RBM25: variants seen among roughly 807,000 people sequenced by gnomAD.
RBM25 encodes the protein RNA binding motif protein 25.
In RBM25, 19 loss-of-function variants were observed where a neutral mutation model predicts 120.7. The observed-to-expected ratio is 0.16, with a 90% CI of 0.11 to 0.23. The LOEUF (loss-of-function observed/expected upper bound fraction) is 0.23, where lower values mean the gene tolerates loss of function less well. RBM25 is among the 10% of genes least tolerant of loss of function. The pLI is 1.00. For synonymous variants in RBM25, 390 were observed against 326.7 expected, an observed-to-expected ratio of 1.19 and a Z score of -2.09; for missense variants, 605 against 1,041.5, an observed-to-expected ratio of 0.58 and a Z score of 5.77.
intron 13 of RBM25, 76 bp from the exon 14 acceptor site, chr14:73,109,266 G>A: frequency 6.8e-7 from 1 of 1,463,954 alleles, no homozygotes; most frequent in Non-Finnish European, 9.3e-7. Context: ...TTGAAAAGAG[G>A]TGCTGTTGGA....
At chr14:73,077,820 C>G (rs1895459083) in intron 4 of RBM25, among the ~76,000 whole-genome samples, 1 of 152,144 alleles carries the variant, frequency 6.6e-6, no homozygotes, top group African/African-American at 2.4e-5. Context: ...TCATTTATCT[C>G]CTAAGAGCAA....
At chr14:73,112,885 C>T (rs1028568461) in intron 17 of RBM25, among the ~76,000 whole-genome samples, 2 of 151,982 alleles carry the variant, frequency 1.3e-5, no homozygotes, top group African/African-American at 2.4e-5. Flanking sequence ...CTCACTGCAG[C>T]TTTGAACGCC....
chr14:73,121,608 G>T lies in RBM25; in HGVS notation c.*1803G>T, dbSNP rs1896542473. ...CAGTCTTTTCTTAGACACACCCCCAGCCTAAGACCTTGTTCGAGGAGTTTA... is the reference window on the plus strand; with the variant it reads ...CAGTCTTTTCTTAGACACACCCCCATCCTAAGACCTTGTTCGAGGAGTTTA... On this transcript the variant is annotated 3_prime_UTR_variant, in exon 19 of 19. Coordinates refer to ENST00000261973, the MANE Select transcript of RBM25 (RefSeq NM_021239.3). The T allele has an allele frequency of 6.6e-6, 1 of 152,138 alleles. No individual in the cohort carries two copies. The highest frequency in any genetic ancestry group is 2.4e-5 in the African/African-American group (1 of 41,428). The allele number at this position is 152,138 out of a possible 1,614,324, so 9.4% of individuals were successfully genotyped here.
chr14:73,066,236 C>T (rs758683358), intron 1 of RBM25, among the ~76,000 whole-genome samples: 3 of 152,126 alleles, frequency 2.0e-5, no homozygotes, highest in Non-Finnish European at 2.9e-5. Flanking sequence ...TTTTAAAACT[C>T]AACACATTTA....
At chr14:73,086,429 T>A (rs1895687002) in intron 5 of RBM25, among the ~76,000 whole-genome samples, 1 of 149,336 alleles carries the variant, frequency 6.7e-6, no homozygotes, top group South Asian at 2.1e-4. Flanking sequence ...AGCGCGAGAC[T>A]CCGTCTAAAA....
At chr14:73,068,770 T>G (rs1378830496) in intron 1 of RBM25, among the ~76,000 whole-genome samples, 2 of 152,148 alleles carry the variant, frequency 1.3e-5, no homozygotes, top group African/African-American at 4.8e-5. Flanking sequence ...GAGATGGGGT[T>G]TCACCATGCT....
intron 17 of RBM25, 78 bp downstream of exon 17, chr14:73,112,328 T>C: frequency 7.6e-7 from 1 of 1,314,990 alleles, no homozygotes; most frequent in Non-Finnish European, 1.0e-6. Context: ...AGAGCAGAAA[T>C]TTTACAGAGT....
intron 14 of RBM25, 142 bp from the exon 15 acceptor site, chr14:73,110,689 A>G (rs951402728): frequency 1.9e-6 from 2 of 1,029,540 alleles, no homozygotes; most frequent in Non-Finnish European, 2.8e-6. Flanking sequence ...GCGGCCTCCC[A>G]AAGTGCTGGG....
At chr14:73,080,577 G>T (rs1895537121) in intron 4 of RBM25, among the ~76,000 whole-genome samples, 1 of 151,900 alleles carries the variant, frequency 6.6e-6, no homozygotes, top group Non-Finnish European at 1.5e-5. Context: ...ACATTGTGTT[G>T]TGAAATACCT....
At chr14:73,091,607 C>T (rs1033315605) in intron 6 of RBM25, among the ~76,000 whole-genome samples, 2 of 152,094 alleles carry the variant, frequency 1.3e-5, no homozygotes, top group African/African-American at 4.8e-5. Flanking sequence ...TGTGGTGGCT[C>T]ACACCTGTAA....
chr14:73,071,831 G>A (rs1895300636), intron 2 of RBM25, 84 bp downstream of exon 2: 2 of 1,110,076 alleles, frequency 1.8e-6, no homozygotes, highest in Non-Finnish European at 2.7e-6. Context: ...TTAGATATGT[G>A]ACTGTGTTAG....
chr14:73,063,782 C>T (rs1420739190), intron 1 of RBM25, among the ~76,000 whole-genome samples: 1 of 151,492 alleles, frequency 6.6e-6, no homozygotes, highest in South Asian at 2.1e-4. Flanking sequence ...GCCAGTGATA[C>T]TGTTAAAATG....
chr14:73,097,011 T>G lies in RBM25; in HGVS notation c.640T>G (p.Leu214Val), dbSNP rs1424422758. The G allele has an allele frequency of 6.2e-7, 1 of 1,613,866 alleles. No individual in the cohort carries two copies. The highest frequency in any genetic ancestry group is 2.2e-5 in the East Asian group (1 of 44,854). The part of the protein sequence containing the change: ...DQMIKGAIEV[L>V]IREYSSELNA... ...GATGATTAAAGGGGCTATTGAAGTTTTAATTCGTGAATACTCCAGTGAGCT... is the reference window on the plus strand; with the variant it reads ...GATGATTAAAGGGGCTATTGAAGTTGTAATTCGTGAATACTCCAGTGAGCT... The change falls in exon 7 of 19, where the codon TTA (leucine) becomes GTA (valine). Residue 214 changes from leucine (L) to valine (V), a missense_variant. Leu to Val is a conservative substitution (Grantham distance 32). Around this residue, in one of 4 missense-constraint regions of RBM25, gnomAD observed 465 missense variants for 741.6 expected, o/e 0.63. Coordinates refer to ENST00000261973, the MANE Select transcript of RBM25 (RefSeq NM_021239.3).
intron 12 of RBM25, among the ~76,000 whole-genome samples, chr14:73,107,115 A>G (rs1487476885): frequency 6.6e-6 from 1 of 152,226 alleles, no homozygotes; most frequent in Non-Finnish European, 1.5e-5. Flanking sequence ...TGCTGGGATT[A>G]CAGGCGTGTG....
At chr14:73,067,751 C>T (rs896549829) in intron 1 of RBM25, among the ~76,000 whole-genome samples, 5 of 151,870 alleles carry the variant, frequency 3.3e-5, no homozygotes, top group Middle Eastern at 3.2e-3. Context: ...CTACAGGCGC[C>T]TGCCACCGCA....
rs900109836 is a variant in RBM25 at position 73,120,230 on chromosome 14, T to G, written c.*425T>G. 6.5e-6 allele frequency: 1 copy of G among 153,736 alleles called. No individual in the cohort carries two copies. Among genetic ancestry groups the G allele is most frequent in the African/African-American group, 2.4e-5 (1 of 41,480 alleles). 9.5% of individuals were successfully genotyped at this position (153,736 alleles called of 1,614,324 possible). A position where few individuals can be genotyped will look rare whatever the true frequency, so the allele number is the denominator to read the frequency against. On this transcript the variant is annotated 3_prime_UTR_variant, in exon 19 of 19. Coordinates refer to ENST00000261973, the MANE Select transcript of RBM25 (RefSeq NM_021239.3). ...TCATAAACTATTACCACCCCCACTCTCTTTTGATCAGAAATGGCAAGCCCT... is the reference window on the plus strand; with the variant it reads ...TCATAAACTATTACCACCCCCACTCGCTTTTGATCAGAAATGGCAAGCCCT...
chr14:73,108,607 A>G (rs1384446469), intron 13 of RBM25, among the ~76,000 whole-genome samples: 1 of 152,166 alleles, frequency 6.6e-6, no homozygotes, highest in Non-Finnish European at 1.5e-5. Flanking sequence ...TCCAAACTGT[A>G]AGTTCCCTGG....
chr14:73,089,665 T>TTTTG lies in RBM25; in HGVS notation c.543+1521_543+1524dup, dbSNP rs75923211. The stretch of plus-strand genomic sequence containing the variant: ...CCACCACACCTGGCCAAATGTAGGG[T>TTTTG]TTTGTTTGTTTGTTTGTTTGAAATG... On this transcript the variant is annotated intron_variant, in intron 6 of 18. Transcript: ENST00000261973. 2.5e-4 allele frequency among the ~76,000 whole-genome samples: 36 copies of TTTTG among 145,598 alleles called. No homozygotes were observed. The East Asian group carries it at 3.1e-3, about 13-fold the overall frequency.
chr14:73,069,747 A>T (rs1417860626), intron 1 of RBM25: 3 of 14,018 alleles, frequency 2.1e-4, no homozygotes, highest in African/African-American at 6.1e-4. Flanking sequence ...CCTGTTTCTT[A>T]AAAAAAAAAA....
Sources: gnomAD v4.1 joint callset for allele counts (sites outside exome capture counted in the v4.1 genomes callset) on GRCh38, gnomAD v4.1.1 for gene constraint, gnomAD v4.1.1 regional missense constraint, MANE v1.5 for transcripts, NCBI Gene and HGNC (gene_info 2026-07-23, HGNC 2026-07-21) for gene names.